The following PRCP variants were observed in gnomAD, a reference collection of about 807,000 sequenced individuals.
The protein encoded by PRCP is lysosomal Pro-X carboxypeptidase.
A neutral mutation model predicts 54.2 loss-of-function variants in PRCP; 46 were observed. That is an observed-to-expected ratio of 0.85 (90% CI 0.67 to 1.09). The LOEUF is 1.09. Among genes scored for constraint, PRCP ranks in the 50% least tolerant of loss-of-function variants. The probability of loss-of-function intolerance (pLI) is 0.00; values close to 1 mark genes in which losing one functional copy is unlikely to be tolerated. For synonymous variants in PRCP, 240 were observed against 212.2 expected, an observed-to-expected ratio of 1.13 and a Z score of -1.14; for missense variants, 613 against 596.8, an observed-to-expected ratio of 1.03 and a Z score of -0.28.
In PRCP at chr11:82,860,089, T is replaced by C. The variant is rs1232350912; in HGVS notation, c.197A>G (p.Lys66Arg). ...KVDHFGFNTV[K>R]TFNQRYLVAD... ...TACTAGGTACCGCTGATTAAAAGTTTTCACAGTATTAAATCCAAAATGATC... is the reference window on the plus strand; with the variant it reads ...TACTAGGTACCGCTGATTAAAAGTTCTCACAGTATTAAATCCAAAATGATC... Residue 66 changes from lysine to arginine, a missense_variant, in exon 2 of 9, where the codon AAA (lysine) becomes AGA (arginine). Transcript: ENST00000313010. 1.3e-6 allele frequency: 2 copies of C among 1,558,998 alleles called. No individual in the cohort carries two copies. Among genetic ancestry groups the C allele is most frequent in the Middle Eastern group, 1.7e-4 (1 of 5,902 alleles).
chr11:82,873,010 A>G (rs899919296), intron 1 of PRCP, among the ~76,000 whole-genome samples: 5 of 151,944 alleles, frequency 3.3e-5, no homozygotes, highest in African/African-American at 1.2e-4. Context: ...AGGGAGACTG[A>G]ACTTAATTTA....
chr11:82,839,342 G>A lies in PRCP; in HGVS notation c.1005C>T (p.Tyr335=). The A allele has an allele frequency of 6.2e-7, 1 of 1,613,936 alleles. No homozygotes were observed. The highest frequency in any genetic ancestry group is 8.5e-7 in the Non-Finnish European group (1 of 1,179,880). ...QNIFQALNVY[Y]NYSGQVKCLN... The stretch of plus-strand genomic sequence containing the variant: ...GGCATTTCACCTGGCCCGAATAATT[G>A]TAATATACATTCAGAGCTTGGAAAA... Residue 335 remains tyrosine, a synonymous_variant, in exon 7 of 9, where the codon TAC becomes TAT. Transcript: ENST00000313010.
intron 1 of PRCP, among the ~76,000 whole-genome samples, chr11:82,887,817 G>A (rs545679775): frequency 5.9e-5 from 9 of 152,186 alleles, no homozygotes; most frequent in African/African-American, 1.7e-4. Context: ...TCTTAAGACC[G>A]TCATTCCAAA....
chr11:82,857,859 C>T (rs1859126306), intron 2 of PRCP, among the ~76,000 whole-genome samples: 1 of 152,206 alleles, frequency 6.6e-6, no homozygotes. Context: ...ACACCCAGCT[C>T]AAGCATGCCC....
intron 1 of PRCP, among the ~76,000 whole-genome samples, chr11:82,876,798 C>A (rs1033974482): frequency 6.6e-6 from 1 of 152,130 alleles, no homozygotes; most frequent in Non-Finnish European, 1.5e-5. Flanking sequence ...TGCATGAAAA[C>A]GAACTAATAC....
At chr11:82,891,032 CTG>C (rs1325969409) in intron 1 of PRCP, among the ~76,000 whole-genome samples, 1 of 152,236 alleles carries the variant, frequency 6.6e-6, no homozygotes, top group Non-Finnish European at 1.5e-5. Flanking sequence ...TACATACCAT[CTG>C]TATACTAACA....
At chr11:82,890,136 C>G (rs1240956994) in intron 1 of PRCP, among the ~76,000 whole-genome samples, 1 of 152,236 alleles carries the variant, frequency 6.6e-6, no homozygotes, top group Non-Finnish European at 1.5e-5. Flanking sequence ...ACAGCCACAT[C>G]AAATGGCCTT....
At position 82,869,829 on chromosome 11, in the gene PRCP, G is replaced by A. The variant is rs148743215; in HGVS notation, c.169-9712C>T. On this transcript the variant is annotated intron_variant, in intron 1 of 8. Transcript: ENST00000313010. The stretch of plus-strand genomic sequence containing the variant: ...AGCTTTGGAAGAGTTGCACAACACT[G>A]TAGTTGGATGTGCCTTTTGCCCAGT... Among the ~76,000 whole-genome samples, 69 of 152,348 alleles carry A rather than the reference G, an allele frequency of 4.5e-4. 1 individual carries two copies. The highest frequency in any genetic ancestry group is 1.5e-3 in the African/African-American group (63 of 41,578).
At chr11:82,862,760 G>C (rs1036924093) in intron 1 of PRCP, among the ~76,000 whole-genome samples, 12 of 152,144 alleles carry the variant, frequency 7.9e-5, no homozygotes, top group African/African-American at 2.9e-4. Flanking sequence ...TTATGGACGA[G>C]GTATGTAATA....
At chr11:82,894,039 A>T (rs2121280045) in intron 1 of PRCP, among the ~76,000 whole-genome samples, 3 of 152,284 alleles carry the variant, frequency 2.0e-5, no homozygotes, top group Middle Eastern at 6.8e-3. Context: ...ATTTATGGTC[A>T]ATTTTTTCAA....
At chr11:82,858,604 T>C (rs898154262) in intron 2 of PRCP, 2 of 152,120 alleles carry the variant, frequency 1.3e-5, no homozygotes, top group Non-Finnish European at 2.9e-5. Context: ...TAGTGCCTAG[T>C]GGAGGCAGGA....
chr11:82,825,197 C>G (rs1858196650), intron 8 of PRCP, 75 bp from the exon 9 acceptor site: 1 of 1,341,712 alleles, frequency 7.5e-7, no homozygotes, highest in Non-Finnish European at 1.0e-6. Flanking sequence ...TAGAAGAAAC[C>G]TATTACATGT....
chr11:82,852,751 T>A (rs2121152170), intron 3 of PRCP, among the ~76,000 whole-genome samples: 1 of 152,324 alleles, frequency 6.6e-6, no homozygotes, highest in Non-Finnish European at 1.5e-5. Flanking sequence ...ATACAGCTTA[T>A]TTGTCCTTAT....
intron 4 of PRCP, 75 bp from the exon 5 acceptor site, chr11:82,850,146 A>C (rs1858915668): frequency 1.1e-6 from 1 of 892,546 alleles, no homozygotes; most frequent in Admixed American, 4.3e-5. Flanking sequence ...ATGTCATCTA[A>C]ATCAAGTTTT....
chr11:82,874,704 A>G (rs10898047), intron 1 of PRCP, among the ~76,000 whole-genome samples: 19,472 of 148,578 alleles, frequency 0.13, 1,343 homozygotes, highest in Middle Eastern at 0.19. Flanking sequence ...AAAAAAAAAA[A>G]AAAAAGAAAA....
In PRCP at chr11:82,872,954, A is replaced by G. The variant is rs7942255; in HGVS notation, c.169-12837T>C. 1.1e-3 allele frequency among the ~76,000 whole-genome samples: 175 copies of G among 152,298 alleles called. 1 individual carries two copies. Among genetic ancestry groups the G allele is most frequent in the Non-Finnish European group, 1.8e-3 (123 of 68,022 alleles). On this transcript the variant is annotated intron_variant, in intron 1 of 8. Transcript: ENST00000313010. Reference sequence around the variant, plus strand: ...AGAGATAAGATCAGTGGTGAACAAGAGAGAGAATGGTACTGGATGAGGCTT... The same window carrying G: ...AGAGATAAGATCAGTGGTGAACAAGGGAGAGAATGGTACTGGATGAGGCTT...
intron 5 of PRCP, 134 bp downstream of exon 5, chr11:82,849,769 CATTTTGATTTG>C (rs983516331): frequency 1.4e-6 from 1 of 721,534 alleles, no homozygotes; most frequent in African/African-American, 1.8e-5. Context: ...TCAAGCTACG[CATTTTGATTTG>C]ATTTTGATTT....
At chr11:82,897,367 C>A (rs1275440491) in intron 1 of PRCP, among the ~76,000 whole-genome samples, 1 of 152,206 alleles carries the variant, frequency 6.6e-6, no homozygotes, top group Non-Finnish European at 1.5e-5. Flanking sequence ...AATAATCATG[C>A]ATTCACTCTT....
intron 1 of PRCP, among the ~76,000 whole-genome samples, chr11:82,868,686 C>A (rs191574164): frequency 7.2e-5 from 11 of 152,130 alleles, no homozygotes; most frequent in Non-Finnish European, 1.6e-4. Flanking sequence ...AGCATAAATT[C>A]AGGAACTGTT....
Sources: allele counts gnomAD v4.1 joint callset (sites outside exome capture counted in the v4.1 genomes callset), GRCh38; gene constraint gnomAD v4.1.1; transcripts MANE v1.5; gene names NCBI Gene and HGNC (gene_info 2026-07-23, HGNC 2026-07-21).